Variants in SCFD2 observed in about 807,000 individuals in gnomAD.
SCFD2 encodes sec1 family domain containing 2, also known as sec1 family domain-containing protein 2.
Under a neutral mutation model 58.9 loss-of-function variants are expected in SCFD2, and 54 were observed. The observed-to-expected ratio is 0.92, with a 90% confidence interval of 0.74 to 1.15. The LOEUF is 1.15. SCFD2 is among the 50% of genes most tolerant of loss of function. SCFD2 has a pLI of 0.00. For synonymous variants in SCFD2, 321 were observed against 335.9 expected (o/e 0.96, Z 0.49); for missense variants, 805 against 836.6 (o/e 0.96, Z 0.47).
At chr4:52,936,150 T>A (rs1168717052) in intron 5 of SCFD2, among the ~76,000 whole-genome samples, 1 of 152,166 alleles carries the variant, frequency 6.6e-6, no homozygotes, top group East Asian at 1.9e-4. Flanking sequence ...CTTTCCTTTT[T>A]CATGGCTGTC....
intron 3 of SCFD2, among the ~76,000 whole-genome samples, chr4:53,283,921 T>C (rs1053000666): frequency 1.4e-4 from 21 of 151,886 alleles, no homozygotes; most frequent in African/African-American, 4.3e-4. Context: ...ATCGAGACCA[T>C]CCTGGTTAAC....
intron 2 of SCFD2, among the ~76,000 whole-genome samples, chr4:53,334,821 C>G (rs1324905066): frequency 6.6e-6 from 1 of 152,178 alleles, no homozygotes; most frequent in Non-Finnish European, 1.5e-5. Flanking sequence ...TTTACATAAT[C>G]TCAAAATGCC....
chr4:52,917,890 G>A (rs1719645262), intron 6 of SCFD2, among the ~76,000 whole-genome samples: 1 of 152,342 alleles, frequency 6.6e-6, no homozygotes, highest in Non-Finnish European at 1.5e-5. Context: ...AATAAGAGGT[G>A]CCTCTAGTCC....
intron 1 of SCFD2, among the ~76,000 whole-genome samples, chr4:53,361,948 A>C (rs1734558808): frequency 6.6e-6 from 1 of 152,172 alleles, no homozygotes; most frequent in Non-Finnish European, 1.5e-5. Flanking sequence ...TCATTCAATA[A>C]ATATATATTG....
chr4:52,962,676 G>GC (rs756490043), intron 5 of SCFD2, among the ~76,000 whole-genome samples: 76 of 151,928 alleles, frequency 5.0e-4, no homozygotes, highest in Non-Finnish European at 8.8e-4. Flanking sequence ...AGTTTAGAGG[G>GC]GGGCAGCATT....
At chr4:52,881,991 A>T (rs1185347585) in intron 8 of SCFD2, among the ~76,000 whole-genome samples, 1 of 152,066 alleles carries the variant, frequency 6.6e-6, no homozygotes, top group Non-Finnish European at 1.5e-5. Flanking sequence ...CAGGGGTGAG[A>T]TCATGTGAGC....
At chr4:53,008,467 T>C (rs1722027924) in intron 5 of SCFD2, among the ~76,000 whole-genome samples, 1 of 152,176 alleles carries the variant, frequency 6.6e-6, no homozygotes, top group Non-Finnish European at 1.5e-5. Context: ...AAGAAAACTA[T>C]TCTAAGACTT....
intron 4 of SCFD2, among the ~76,000 whole-genome samples, chr4:53,157,026 T>C (rs1163907845): frequency 6.6e-6 from 1 of 152,222 alleles, no homozygotes; most frequent in African/African-American, 2.4e-5. Flanking sequence ...ACAACCGATA[T>C]ACTTACTGTC....
chr4:53,123,284 AAAC>A (rs1216134097), intron 5 of SCFD2, among the ~76,000 whole-genome samples: 6 of 152,258 alleles, frequency 3.9e-5, no homozygotes, highest in Admixed American at 3.9e-4. Flanking sequence ...CATTAAGTTT[AAAC>A]AACATTAGTC....
At chr4:53,279,359 C>G (rs549439106) in intron 3 of SCFD2, among the ~76,000 whole-genome samples, 12 of 152,228 alleles carry the variant, frequency 7.9e-5, no homozygotes, top group Admixed American at 3.9e-4. Flanking sequence ...TGGCCTCAAG[C>G]AATCCTCCCA....
rs180779984 is a variant in SCFD2, at chr4:53,183,670, A to G, written c.1312-38088T>C. On this transcript the variant is annotated intron_variant, in intron 4 of 8. Transcript: ENST00000401642. ...AGTATAATAATAATAAAATTAAAAAAAAAAAGAAATGAAAACTAACATTTA... is the reference window on the plus strand; with the variant it reads ...AGTATAATAATAATAAAATTAAAAAGAAAAAGAAATGAAAACTAACATTTA... Among the ~76,000 whole-genome samples the G allele has an allele frequency of 2.0e-3, 308 of 152,264 alleles. 1 individual carries two copies. The highest frequency in any genetic ancestry group is 7.1e-3 in the African/African-American group (295 of 41,578).
intron 5 of SCFD2, among the ~76,000 whole-genome samples, chr4:53,069,046 G>A (rs1342862364): frequency 7.2e-5 from 11 of 152,036 alleles, no homozygotes; most frequent in Non-Finnish European, 1.0e-4. Context: ...TAAATTCACA[G>A]ATACCTCATA....
intron 4 of SCFD2, among the ~76,000 whole-genome samples, chr4:53,218,401 G>A (rs1012268015): frequency 2.0e-5 from 3 of 152,026 alleles, no homozygotes; most frequent in Non-Finnish European, 4.4e-5. Context: ...TTGATCTTCT[G>A]TCACTGATAC....
At chr4:53,170,973 C>T (rs979301812) in intron 4 of SCFD2, among the ~76,000 whole-genome samples, 1 of 152,190 alleles carries the variant, frequency 6.6e-6, no homozygotes, top group African/African-American at 2.4e-5. Context: ...CATCAACAAT[C>T]AGTGACAATT....
chr4:52,987,084 C>T (rs1192678073), intron 5 of SCFD2, among the ~76,000 whole-genome samples: 2 of 152,110 alleles, frequency 1.3e-5, no homozygotes, highest in Non-Finnish European at 2.9e-5. Context: ...GGCTGGAGTG[C>T]AGTGGTGCAA....
intron 4 of SCFD2, among the ~76,000 whole-genome samples, chr4:53,176,947 C>CAAAAAAAAAAAA (rs3064988): frequency 8.0e-6 from 1 of 124,696 alleles, no homozygotes; most frequent in Non-Finnish European, 1.7e-5. Flanking sequence ...ACAACAATCT[C>CAAAAAAAAAAAA]AAAAAAAAAA....
Position 53,365,464 on chromosome 4 carries a change from G to A in SCFD2, c.478C>T (p.Leu160Phe). 1 of 1,614,180 alleles carries A rather than the reference G, an allele frequency of 6.2e-7. No individual in the cohort carries two copies. The highest frequency in any genetic ancestry group is 8.5e-7 in the Non-Finnish European group (1 of 1,180,042). Residue 160 changes from leucine to phenylalanine, a missense_variant, in exon 1 of 9, where the codon CTT (leucine) becomes TTT (phenylalanine). Leu to Phe is a conservative substitution (Grantham distance 22). This residue lies in a region of SCFD2 where 633 missense variants were observed against 646.8 expected (regional missense o/e 0.98). Coordinates refer to ENST00000401642, the MANE Select transcript of SCFD2 (RefSeq NM_152540.4). The surrounding 1 kb of genome is among the most constrained non-coding windows in gnomAD (Gnocchi z 4.3). ...GCAAAGTGGGGAGCAACAGGGGCAA[G>A]CAATAACGGGACATGGAACACCTCG... ...TAEVFHVPLL[L>F]APVAPHFALT...
At chr4:53,104,184 T>G (rs1724920064) in intron 5 of SCFD2, among the ~76,000 whole-genome samples, 1 of 152,088 alleles carries the variant, frequency 6.6e-6, no homozygotes, top group Admixed American at 6.6e-5. Flanking sequence ...GAAGAGTAAT[T>G]GTACAGTAGA....
At chr4:53,311,371 AT>A (rs113941658) in intron 3 of SCFD2, among the ~76,000 whole-genome samples, 1,890 of 149,130 alleles carry the variant, frequency 0.013, 14 homozygotes, top group East Asian at 0.028. Flanking sequence ...CTTAAAAAAA[AT>A]TTTTTTTTTT....
Sources: allele counts gnomAD v4.1 joint callset (sites outside exome capture counted in the v4.1 genomes callset), GRCh38; gene constraint gnomAD v4.1.1; regional missense constraint gnomAD v4.1.1; non-coding constraint Gnocchi (gnomAD v3.1); transcripts MANE v1.5; gene names NCBI Gene and HGNC (gene_info 2026-07-23, HGNC 2026-07-21).